KIF3C: variants seen among roughly 807,000 people sequenced by gnomAD.
KIF3C encodes the protein kinesin family member 3C.
A neutral mutation model predicts 67.7 loss-of-function variants in KIF3C; 12 were observed. The ratio of observed to expected loss-of-function variants is 0.18; its 90% CI spans 0.11 to 0.29. KIF3C has a LOEUF of 0.29. Among genes scored for constraint, KIF3C ranks in the 10% least tolerant of loss-of-function variants. The pLI, the probability that KIF3C is intolerant of heterozygous loss-of-function variation, is 1.00. For missense variants in KIF3C, 789 were observed against 1,059.6 expected (o/e 0.74, Z 3.55); for synonymous variants, 393 against 426.2 (o/e 0.92, Z 0.96).
chr2:25,934,271 G>C, intron 5 of KIF3C: 1 of 435,082 alleles, frequency 2.3e-6, no homozygotes, highest in Admixed American at 2.8e-5. Context: ...GTTTCTTTTT[G>C]GAGTGATGAA....
chr2:25,949,576 C>A (rs62129485), intron 5 of KIF3C, among the ~76,000 whole-genome samples: 121 of 151,850 alleles, frequency 8.0e-4, no homozygotes, highest in Non-Finnish European at 1.4e-3. Flanking sequence ...TAATGCACAC[C>A]TTCTCAAAGC....
At chr2:25,969,948 T>C (rs1372343146) in intron 1 of KIF3C, among the ~76,000 whole-genome samples, 1 of 152,214 alleles carries the variant, frequency 6.6e-6, no homozygotes, top group Non-Finnish European at 1.5e-5. Flanking sequence ...ATGCCTGGCC[T>C]CAAGTGATCT....
At chr2:25,962,932 CATATAATAT>C (rs1401195505) in intron 1 of KIF3C, among the ~76,000 whole-genome samples, 1 of 36,566 alleles carries the variant, frequency 2.7e-5, no homozygotes, top group African/African-American at 1.4e-4. Context: ...ATATATAATA[CATATAATAT>C]ATAATATATA....
At chr2:25,967,689 GTAGTTCCA>G (rs1664180346) in intron 1 of KIF3C, among the ~76,000 whole-genome samples, 1 of 152,202 alleles carries the variant, frequency 6.6e-6, no homozygotes, top group Non-Finnish European at 1.5e-5. Flanking sequence ...TTGTGTGCCT[GTAGTTCCA>G]TCTCTGTAAT....
chr2:25,980,882 A>G lies in KIF3C; in HGVS notation c.1036T>C (p.Ser346Pro). The change falls in exon 1 of 8, where the codon TCT becomes CCT. Residue 346 changes from serine (S) to proline (P), a missense_variant. Physicochemically the swap from Ser to Pro is moderately conservative, Grantham distance 74. This residue lies in a region of KIF3C where 648 missense variants were observed against 807.8 expected (regional missense o/e 0.80). Coordinates refer to ENST00000264712, the MANE Select transcript of KIF3C (RefSeq NM_002254.8). The surrounding 1 kb of genome is among the most constrained non-coding windows in gnomAD (Gnocchi z 7.6). ...GAGAGGCTCTCATCGTAGCTGTGAGAAGCTGGCCCCAGTGTGGCTACCATG... is the reference window on the plus strand; with the variant it reads ...GAGAGGCTCTCATCGTAGCTGTGAGGAGCTGGCCCCAGTGTGGCTACCATG... ...TIMVATLGPA[S>P]HSYDESLSTL... The G allele has an allele frequency of 6.2e-7, 1 of 1,614,128 alleles. No individual in the cohort carries two copies. The highest frequency in any genetic ancestry group is 8.5e-7 in the Non-Finnish European group (1 of 1,180,000).
intron 1 of KIF3C, among the ~76,000 whole-genome samples, chr2:25,963,222 T>TTTTTA: frequency 9.9e-6 from 1 of 101,002 alleles, no homozygotes; most frequent in Non-Finnish European, 1.9e-5. Flanking sequence ...TTTTTTTTTT[T>TTTTTA]AAAGATAGAG....
At chr2:25,978,732 G>A (rs754993402) in intron 1 of KIF3C, among the ~76,000 whole-genome samples, 7 of 152,044 alleles carry the variant, frequency 4.6e-5, no homozygotes, top group Non-Finnish European at 2.9e-5. Flanking sequence ...CTTAGCCTTT[G>A]TTGCCTTCCA....
intron 4 of KIF3C, chr2:25,953,987 A>C: frequency 2.9e-6 from 1 of 343,304 alleles, no homozygotes; most frequent in African/African-American, 2.1e-5. Flanking sequence ...TTTTTAAAAA[A>C]TTTAAAATCA....
intron 1 of KIF3C, among the ~76,000 whole-genome samples, chr2:25,973,273 G>A (rs916154874): frequency 6.6e-6 from 1 of 152,024 alleles, no homozygotes; most frequent in Non-Finnish European, 1.5e-5. Flanking sequence ...ACATATTTAG[G>A]TCAGGCACGG....
chr2:25,944,060 T>C (rs1663363132), intron 5 of KIF3C, among the ~76,000 whole-genome samples: 1 of 152,140 alleles, frequency 6.6e-6, no homozygotes, highest in Non-Finnish European at 1.5e-5. Flanking sequence ...TCTTTTTTTT[T>C]TCATAGATAT....
In KIF3C at chr2:25,955,432, G is replaced by T; in HGVS notation, c.1770+109C>A. The T allele has an allele frequency of 7.3e-7, 1 of 1,375,670 alleles. No homozygotes were observed. Among genetic ancestry groups the T allele is most frequent in the Non-Finnish European group, 1.0e-6 (1 of 993,656 alleles). The allele number at this position is 1,375,670 out of a possible 1,614,324, so 85.2% of individuals were successfully genotyped here. On this transcript the variant is annotated intron_variant, in intron 3 of 7. Transcript: ENST00000264712. This position sits in a 1 kb window ranked among gnomAD's most constrained non-coding sequence, Gnocchi z 5.0. ...CCGAGGCCAAGCCATGTCACTCAGG[G>T]GTTCAGCAGTTCCAGCCAAATGGGG...
chr2:25,962,920 TAATATATAA>T (rs1664010158), intron 1 of KIF3C, among the ~76,000 whole-genome samples: 2 of 48,612 alleles, frequency 4.1e-5, no homozygotes, highest in Non-Finnish European at 5.8e-5. Flanking sequence ...ATAATATATA[TAATATATAA>T]TACATATAAT....
At chr2:25,973,625 C>A (rs921192086) in intron 1 of KIF3C, among the ~76,000 whole-genome samples, 4 of 151,826 alleles carry the variant, frequency 2.6e-5, no homozygotes, top group African/African-American at 9.7e-5. Flanking sequence ...GGTATACAAC[C>A]GTGAAATCAT....
At chr2:25,934,526 C>G (rs1050124302) in intron 5 of KIF3C, among the ~76,000 whole-genome samples, 2 of 151,792 alleles carry the variant, frequency 1.3e-5, no homozygotes, top group African/African-American at 4.8e-5. Flanking sequence ...TTGCAGTGAG[C>G]CGACTCGCAC....
chr2:25,947,673 G>T (rs1216061275), intron 5 of KIF3C, among the ~76,000 whole-genome samples: 1 of 152,102 alleles, frequency 6.6e-6, no homozygotes, highest in South Asian at 2.1e-4. Flanking sequence ...TCTGTGAATG[G>T]TTTTTTTCAG....
intron 1 of KIF3C, among the ~76,000 whole-genome samples, chr2:25,972,384 T>C (rs1664305981): frequency 6.6e-6 from 1 of 152,118 alleles, no homozygotes; most frequent in South Asian, 2.1e-4. Flanking sequence ...ACTAGTCAAA[T>C]CTTTGTGTTA....
chr2:25,950,899 A>G (rs71394311), intron 5 of KIF3C, among the ~76,000 whole-genome samples: 28,858 of 151,442 alleles, frequency 0.19, 3,156 homozygotes, highest in African/African-American at 0.31. Context: ...GTTGTTAAAA[A>G]AAAAAAAAAG....
At chr2:25,954,576 C>T (rs1359945100) in intron 3 of KIF3C, among the ~76,000 whole-genome samples, 191 bp from the exon 4 acceptor site, 1 of 152,176 alleles carries the variant, frequency 6.6e-6, no homozygotes, top group African/African-American at 2.4e-5. Context: ...AAGTGGTGCC[C>T]CGCCCTCCTT....
chr2:25,979,405 G>A (rs927323008), intron 1 of KIF3C, among the ~76,000 whole-genome samples: 3 of 152,074 alleles, frequency 2.0e-5, no homozygotes, highest in Admixed American at 6.6e-5. Context: ...GGCAGGGGTC[G>A]GTTGGCTTGC....
Sources: allele counts gnomAD v4.1 joint callset (sites outside exome capture counted in the v4.1 genomes callset), GRCh38; gene constraint gnomAD v4.1.1; regional missense constraint gnomAD v4.1.1; non-coding constraint Gnocchi (gnomAD v3.1); transcripts MANE v1.5; gene names NCBI Gene and HGNC (gene_info 2026-07-23, HGNC 2026-07-21).